Variants in MCPH1 observed in about 807,000 individuals in gnomAD.
The protein encoded by MCPH1 is microcephalin 1.
Under a neutral mutation model 84.5 loss-of-function variants are expected in MCPH1, and 104 were observed. The observed-to-expected ratio is 1.23, with a 90% confidence interval of 1.05 to 1.45. MCPH1 has a LOEUF of 1.45. Among genes scored for constraint, MCPH1 ranks in the 40% most tolerant of loss-of-function variants. MCPH1 has a pLI of 0.00. For synonymous variants in MCPH1, 514 were observed against 366.8 expected (o/e 1.40, Z -4.58); for missense variants, 1,498 against 1,005.7 (o/e 1.49, Z -6.62).
intron 11 of MCPH1, among the ~76,000 whole-genome samples, chr8:6,499,063 A>AAATTAAAT (rs959478966): frequency 7.8e-6 from 1 of 128,302 alleles, no homozygotes; most frequent in South Asian, 2.9e-4. Context: ...AAAAATAAAT[A>AAATTAAAT]AATTAAATAA....
intron 12 of MCPH1, among the ~76,000 whole-genome samples, chr8:6,510,151 G>GT (rs1167872587): frequency 8.0e-6 from 1 of 124,774 alleles, no homozygotes; most frequent in East Asian, 2.0e-4. Flanking sequence ...TTTTGAGGTT[G>GT]TTTTTTCTTT....
chr8:6,552,516 G>T (rs1022311482), intron 12 of MCPH1, among the ~76,000 whole-genome samples: 1 of 152,160 alleles, frequency 6.6e-6, no homozygotes, highest in Admixed American at 6.5e-5. Context: ...CATTTAACCC[G>T]ATTAGGGTGA....
At chr8:6,449,859 G>A (rs1804887306) in intron 8 of MCPH1, among the ~76,000 whole-genome samples, 1 of 152,136 alleles carries the variant, frequency 6.6e-6, no homozygotes. Flanking sequence ...TTCAACCACC[G>A]AAAGTCAGTT....
intron 12 of MCPH1, among the ~76,000 whole-genome samples, chr8:6,546,056 G>C (rs1051239485): frequency 6.6e-6 from 1 of 152,226 alleles, no homozygotes; most frequent in Non-Finnish European, 1.5e-5. Context: ...GTGAGTCCCA[G>C]TTCAGTTCCT....
In MCPH1 at chr8:6,592,614, C is replaced by CTTTTTTTTT. The variant is rs1252024553; in HGVS notation, c.2215-28832_2215-28831insTTTTTTTTT. On this transcript the variant is annotated intron_variant, in intron 12 of 13. Transcript: ENST00000344683. ...GTCATCTAGGCTCTCGTTTTTCTTTCTTTTTTTTGTTTTTTTTTTTTTTTT... is the reference window on the plus strand; with the variant it reads ...GTCATCTAGGCTCTCGTTTTTCTTTCTTTTTTTTTTTTTTTTTGTTTTTTTTTTTTTTTT... Among the ~76,000 whole-genome samples the CTTTTTTTTT allele has an allele frequency of 7.2e-4, 47 of 65,474 alleles. 1 individual carries two copies. Among genetic ancestry groups the CTTTTTTTTT allele is most frequent in the East Asian group, 1.4e-3 (2 of 1,396 alleles). The allele number at this position is 65,474 out of a possible 152,430, so 43.0% of individuals were successfully genotyped here.
intron 12 of MCPH1, among the ~76,000 whole-genome samples, chr8:6,520,307 T>G (rs1173867405): frequency 1.3e-5 from 2 of 152,202 alleles, no homozygotes; most frequent in African/African-American, 4.8e-5. Context: ...AATTATTACT[T>G]TTGAAGATCT....
At chr8:6,501,429 G>C (rs1443136547) in intron 12 of MCPH1, 1 of 151,936 alleles carries the variant, frequency 6.6e-6, no homozygotes, top group African/African-American at 2.4e-5. Context: ...AAATTATAAA[G>C]CTTTACACAA....
chr8:6,464,611 C>G (rs1806647082), intron 9 of MCPH1, among the ~76,000 whole-genome samples: 1 of 152,140 alleles, frequency 6.6e-6, no homozygotes, highest in African/African-American at 2.4e-5. Context: ...TCGTCTTTGG[C>G]CACGTAAAGG....
intron 12 of MCPH1, among the ~76,000 whole-genome samples, chr8:6,547,434 A>T (rs969589366): frequency 2.6e-5 from 4 of 152,102 alleles, no homozygotes; most frequent in African/African-American, 9.7e-5. Flanking sequence ...CTCCACTGCC[A>T]TAAGTTATAA....
chr8:6,637,914 C>T lies in MCPH1; in HGVS notation c.2453-5080C>T, dbSNP rs187444854. The stretch of plus-strand genomic sequence containing the variant: ...TATACATTTCAGAGCCAGGTGCACT[C>T]GCTGATACATTGGATGTGGCATATT... On this transcript the variant is annotated intron_variant, in intron 13 of 13. Transcript: ENST00000344683. 5.9e-5 allele frequency among the ~76,000 whole-genome samples: 9 copies of T among 152,084 alleles called. No homozygotes were observed. In the East Asian group the frequency reaches 1.2e-3, roughly 20 times the overall value.
Position 6,461,325 on chromosome 8 carries a change from CT to C in MCPH1, c.1935+6091del, listed in dbSNP as rs11419705. Among the ~76,000 whole-genome samples, 603 of 110,960 alleles carry C rather than the reference CT, an allele frequency of 5.4e-3. 6 individuals carry two copies. Among genetic ancestry groups the C allele is most frequent in the African/African-American group, 0.021 (573 of 27,154 alleles). The allele number at this position is 110,960 out of a possible 152,430, so 72.8% of individuals were successfully genotyped here. A position where few individuals can be genotyped will look rare whatever the true frequency, so the allele number is the denominator to read the frequency against. ...TATACTTGTTTCAAATTTGTTGAGACTTTTTTTTTTTTTTTTTTGAGATGGA... is the reference window on the plus strand; with the variant it reads ...TATACTTGTTTCAAATTTGTTGAGACTTTTTTTTTTTTTTTTTGAGATGGA... On this transcript the variant is annotated intron_variant, in intron 9 of 13. Transcript: ENST00000344683.
At chr8:6,487,050 C>G (rs544445714) in intron 11 of MCPH1, among the ~76,000 whole-genome samples, 1 of 152,288 alleles carries the variant, frequency 6.6e-6, no homozygotes, top group East Asian at 1.9e-4. Flanking sequence ...CTGTCCAGCA[C>G]AGTGAGGAAT....
chr8:6,492,356 G>A (rs1299919295), intron 11 of MCPH1, among the ~76,000 whole-genome samples: 5 of 151,936 alleles, frequency 3.3e-5, no homozygotes, highest in Non-Finnish European at 7.4e-5. Context: ...AGAGTTCTTT[G>A]TAGATTCTGG....
At chr8:6,610,279 A>C (rs752640747) in intron 12 of MCPH1, among the ~76,000 whole-genome samples, 1 of 152,224 alleles carries the variant, frequency 6.6e-6, no homozygotes, top group Non-Finnish European at 1.5e-5. Flanking sequence ...TTTGGAAAAC[A>C]CGAGCCACCT....
chr8:6,539,645 G>A (rs1181352270), intron 12 of MCPH1, among the ~76,000 whole-genome samples: 2 of 151,984 alleles, frequency 1.3e-5, no homozygotes, highest in Non-Finnish European at 2.9e-5. Context: ...GGAGTGCAGC[G>A]GCGTGATCTT....
At chr8:6,529,439 G>T (rs1819021777) in intron 12 of MCPH1, among the ~76,000 whole-genome samples, 1 of 150,634 alleles carries the variant, frequency 6.6e-6, no homozygotes, top group Non-Finnish European at 1.5e-5. Context: ...CCTTCCTTAA[G>T]CTCAGCCATT....
At chr8:6,631,671 C>A (rs944434376) in intron 13 of MCPH1, among the ~76,000 whole-genome samples, 6 of 150,802 alleles carry the variant, frequency 4.0e-5, no homozygotes, top group Non-Finnish European at 5.9e-5. Context: ...AAAAAAAACC[C>A]AGAAAATAAC....
At chr8:6,520,432 C>T (rs1278631076) in intron 12 of MCPH1, among the ~76,000 whole-genome samples, 2 of 152,162 alleles carry the variant, frequency 1.3e-5, no homozygotes, top group Non-Finnish European at 2.9e-5. Context: ...CATTATCCCA[C>T]TGAGGACATA....
chr8:6,423,190 CTTTTTTTTT>C (rs1165558274), intron 3 of MCPH1, among the ~76,000 whole-genome samples: 1 of 113,222 alleles, frequency 8.8e-6, no homozygotes. Context: ...CTTTTCTTTT[CTTTTTTTTT>C]TTTTTTTTGA....
Sources: gnomAD v4.1 joint callset for allele counts (sites outside exome capture counted in the v4.1 genomes callset) on GRCh38, gnomAD v4.1.1 for gene constraint, MANE v1.5 for transcripts, NCBI Gene and HGNC (gene_info 2026-07-23, HGNC 2026-07-21) for gene names.